Variants in GHR observed in about 807,000 individuals in gnomAD.
GHR encodes GH receptor.
A neutral mutation model predicts 67.1 loss-of-function variants in GHR; 35 were observed. That is an observed-to-expected ratio of 0.52 (90% confidence interval 0.40 to 0.69). The LOEUF is 0.69. GHR is among the 30% of genes least tolerant of loss of function. The pLI is 0.00. For synonymous variants in GHR, 272 were observed against 269.1 expected (o/e 1.01, Z -0.10); for missense variants, 792 against 764.6 (o/e 1.04, Z -0.42).
rs1747810799 is a variant in GHR, at chr5:42,528,528, C to CA, written c.-11-37329dup. On this transcript the variant is annotated intron_variant, in intron 1 of 9. Transcript: ENST00000230882. Reference sequence around the variant, plus strand: ...TGAGGAATCACTTCTTATGGATGAACAAAAAAATAGTTTCTTGAGATGGAA... The same window carrying CA: ...TGAGGAATCACTTCTTATGGATGAACAAAAAAAATAGTTTCTTGAGATGGAA... Among the ~76,000 whole-genome samples the CA allele has an allele frequency of 6.6e-5, 10 of 152,080 alleles. No homozygotes were observed. The South Asian group carries it at 2.1e-3, about 32-fold the overall frequency.
intron 1 of GHR, among the ~76,000 whole-genome samples, chr5:42,557,503 A>C (rs565209629): frequency 2.0e-5 from 3 of 152,332 alleles, no homozygotes; most frequent in Non-Finnish European, 4.4e-5. Context: ...TTTTGGATAC[A>C]TGCAGAGGGA....
At chr5:42,573,478 T>C (rs1463234488) in intron 2 of GHR, among the ~76,000 whole-genome samples, 1 of 152,090 alleles carries the variant, frequency 6.6e-6, no homozygotes, top group African/African-American at 2.4e-5. Context: ...CCGAACCCCA[T>C]GCACCAGTCA....
intron 1 of GHR, among the ~76,000 whole-genome samples, chr5:42,530,611 A>C (rs1014823494): frequency 6.6e-6 from 1 of 152,172 alleles, no homozygotes; most frequent in South Asian, 2.1e-4. Context: ...TACAAGTAAC[A>C]AGCTTAATTT....
At chr5:42,471,102 A>G (rs1208538794) in intron 1 of GHR, among the ~76,000 whole-genome samples, 1 of 152,216 alleles carries the variant, frequency 6.6e-6, no homozygotes, top group East Asian at 1.9e-4. Flanking sequence ...CTGGGCCAGC[A>G]CTAAGCTGGA....
At chr5:42,697,981 G>A (rs757881083) in intron 5 of GHR, among the ~76,000 whole-genome samples, 2 of 152,106 alleles carry the variant, frequency 1.3e-5, no homozygotes, top group South Asian at 4.2e-4. Flanking sequence ...TACAGCTGAC[G>A]GAATGTGGAT....
intron 1 of GHR, among the ~76,000 whole-genome samples, chr5:42,520,462 T>C (rs1747425240): frequency 6.6e-6 from 1 of 152,170 alleles, no homozygotes; most frequent in Non-Finnish European, 1.5e-5. Context: ...CTTCACTCCT[T>C]AACCCTGCAC....
At position 42,576,101 on chromosome 5, in the gene GHR, AATAAAATAAAATAAAATAAAAT is replaced by A. The variant is rs1449366028; in HGVS notation, c.70+10159_70+10180del. Reference sequence around the variant, plus strand: ...AAATAAAATAAAATAAAATAAAATAAATAAAATAAAATAAAATAAAATAAAATAAAATAAAATAAAATAGTAA... The same window carrying A: ...AAATAAAATAAAATAAAATAAAATAAAAAATAAAATAAAATAAAATAGTAA... On this transcript the variant is annotated intron_variant, in intron 2 of 9. Transcript: ENST00000230882. 1.8e-4 allele frequency among the ~76,000 whole-genome samples: 16 copies of A among 89,066 alleles called. 1 individual carries two copies. The highest frequency in any genetic ancestry group is 9.5e-4 in the African/African-American group (16 of 16,786). 58.4% of individuals were successfully genotyped at this position (89,066 alleles called of 152,430 possible).
Position 42,718,728 on chromosome 5 carries a change from T to C in GHR, c.1221T>C (p.Gly407=), listed in dbSNP as rs1758856369. 6.2e-7 allele frequency: 1 copy of C among 1,613,876 alleles called. No individual in the cohort carries two copies. The highest frequency in any genetic ancestry group is 1.3e-5 in the African/African-American group (1 of 74,896). ...TDFNANDIHE[G]TSEVAQPQRL... is the part of the protein sequence containing the mutation. ...TCAATGCCAATGACATACATGAGGG[T>C]ACCTCAGAGGTTGCTCAGCCACAGA... The change falls in exon 10 of 10, where the codon GGT becomes GGC. Residue 407 remains glycine (G), a synonymous_variant. Transcript: ENST00000230882.
At chr5:42,442,304 A>G (rs183288596) in intron 1 of GHR, among the ~76,000 whole-genome samples, 8 of 152,364 alleles carry the variant, frequency 5.3e-5, no homozygotes, top group African/African-American at 1.9e-4. Flanking sequence ...GCTGATGATC[A>G]TGAATTCATG....
chr5:42,657,371 G>T (rs1290008932), intron 3 of GHR, among the ~76,000 whole-genome samples: 1 of 152,108 alleles, frequency 6.6e-6, no homozygotes, highest in East Asian at 1.9e-4. Context: ...TGCCAAAGTA[G>T]TGTTTTTAGA....
intron 1 of GHR, among the ~76,000 whole-genome samples, chr5:42,558,877 T>C (rs945339099): frequency 2.0e-5 from 3 of 152,250 alleles, no homozygotes; most frequent in Non-Finnish European, 4.4e-5. Context: ...TTTTATTTAA[T>C]TCAGCAGTTA....
intron 6 of GHR, among the ~76,000 whole-genome samples, chr5:42,701,430 T>C (rs1206033724): frequency 6.6e-6 from 1 of 152,190 alleles, no homozygotes; most frequent in African/African-American, 2.4e-5. Flanking sequence ...TGCTGCGTAC[T>C]GAGGTATTGT....
intron 1 of GHR, among the ~76,000 whole-genome samples, chr5:42,464,720 C>T (rs1262792557): frequency 6.6e-6 from 1 of 152,096 alleles, no homozygotes; most frequent in Non-Finnish European, 1.5e-5. Context: ...CCTAGGACAT[C>T]CCTAGAGTCC....
At chr5:42,521,916 G>A (rs556226045) in intron 1 of GHR, among the ~76,000 whole-genome samples, 3 of 152,128 alleles carry the variant, frequency 2.0e-5, no homozygotes, top group Non-Finnish European at 2.9e-5. Context: ...ATTTGGCAAA[G>A]CTTATTTGCA....
chr5:42,505,019 G>C (rs1746700525), intron 1 of GHR, among the ~76,000 whole-genome samples: 1 of 152,080 alleles, frequency 6.6e-6, no homozygotes, highest in Admixed American at 6.5e-5. Flanking sequence ...CCAGTGGAAA[G>C]TGGCTCCCCT....
intron 1 of GHR, among the ~76,000 whole-genome samples, chr5:42,431,806 C>T (rs1743107779): frequency 6.6e-6 from 1 of 152,342 alleles, no homozygotes; most frequent in East Asian, 1.9e-4. Flanking sequence ...GTGCACTTCA[C>T]AGGGATTCAG....
At chr5:42,588,436 C>T (rs916628890) in intron 2 of GHR, among the ~76,000 whole-genome samples, 3 of 147,274 alleles carry the variant, frequency 2.0e-5, no homozygotes, top group Non-Finnish European at 4.5e-5. Context: ...AGGAGAATCG[C>T]TTGAACCTGG....
At chr5:42,657,987 C>A (rs991895459) in intron 3 of GHR, among the ~76,000 whole-genome samples, 5 of 152,138 alleles carry the variant, frequency 3.3e-5, no homozygotes, top group Admixed American at 2.0e-4. Flanking sequence ...AGAATCAGGA[C>A]TTGTCTTTAG....
chr5:42,704,155 A>T (rs1758063282), intron 6 of GHR, among the ~76,000 whole-genome samples: 1 of 152,012 alleles, frequency 6.6e-6, no homozygotes, highest in South Asian at 2.1e-4. Flanking sequence ...CTTAGAAGAA[A>T]AGCTTTCCAC....
Sources: gnomAD v4.1 joint callset for allele counts (sites outside exome capture counted in the v4.1 genomes callset) on GRCh38, gnomAD v4.1.1 for gene constraint, MANE v1.5 for transcripts, NCBI Gene and HGNC (gene_info 2026-07-23, HGNC 2026-07-21) for gene names.